ADARB2: variants seen among roughly 807,000 people sequenced by gnomAD.
ADARB2 encodes adenosine deaminase RNA specific B2 (inactive).
ADARB2 carries 25 observed loss-of-function variants against 62.2 expected under a neutral mutation model. That is an observed-to-expected ratio of 0.40 (90% CI 0.29 to 0.56). The LOEUF is 0.56. Among genes scored for constraint, ADARB2 ranks in the 20% least tolerant of loss-of-function variants. The probability of loss-of-function intolerance (pLI) is 0.43; values close to 1 mark genes in which losing one functional copy is unlikely to be tolerated. For missense variants in ADARB2, 1,071 were observed against 1,077.4 expected (o/e 0.99, Z 0.08); for synonymous variants, 572 against 500.8 (o/e 1.14, Z -1.90).
intron 2 of ADARB2, among the ~76,000 whole-genome samples, chr10:1,365,199 A>T (rs1223694811): frequency 1.3e-5 from 2 of 152,088 alleles, no homozygotes; most frequent in Non-Finnish European, 2.9e-5. Context: ...AAAATATTTC[A>T]AACTTTCCCA....
chr10:1,293,550 G>C (rs1831497066), intron 3 of ADARB2, among the ~76,000 whole-genome samples: 1 of 152,196 alleles, frequency 6.6e-6, no homozygotes, highest in Non-Finnish European at 1.5e-5. Flanking sequence ...TCGCTGGAAA[G>C]GCTCAGTCAT....
At chr10:1,460,519 C>T (rs12784863) in intron 1 of ADARB2, among the ~76,000 whole-genome samples, 19,986 of 38,830 alleles carry the variant, frequency 0.51, 7,138 homozygotes, top group Admixed American at 0.61. Flanking sequence ...AGTTTACCTG[C>T]GTAACGAACC....
chr10:1,264,605 T>G (rs1249541405), intron 4 of ADARB2, among the ~76,000 whole-genome samples: 2 of 152,244 alleles, frequency 1.3e-5, no homozygotes, highest in African/African-American at 4.8e-5. Flanking sequence ...TTACCTTATG[T>G]GCTCATTTTA....
chr10:1,634,049 G>A (rs1237091965), intron 1 of ADARB2, among the ~76,000 whole-genome samples: 2 of 152,136 alleles, frequency 1.3e-5, no homozygotes, highest in African/African-American at 4.8e-5. Context: ...TCTGCTGCCG[G>A]CTGTGCTGTG....
intron 1 of ADARB2, among the ~76,000 whole-genome samples, chr10:1,518,844 G>C (rs773917427): frequency 6.6e-6 from 1 of 151,244 alleles, no homozygotes; most frequent in Non-Finnish European, 1.5e-5. Context: ...TCCATGTAAC[G>C]TCTGCCTGTG....
intron 1 of ADARB2, among the ~76,000 whole-genome samples, chr10:1,463,892 CGAA>C (rs1192700898): frequency 6.6e-6 from 1 of 152,128 alleles, no homozygotes; most frequent in Admixed American, 6.5e-5. Context: ...GACACTTTGC[CGAA>C]GAAGACATAT....
chr10:1,629,606 G>A (rs1833818131), intron 1 of ADARB2, among the ~76,000 whole-genome samples: 1 of 145,780 alleles, frequency 6.9e-6, no homozygotes. Context: ...AAGGCCGGGT[G>A]CTTCCGCTCT....
chr10:1,517,728 A>G (rs1053116654), intron 1 of ADARB2, among the ~76,000 whole-genome samples: 2 of 152,154 alleles, frequency 1.3e-5, no homozygotes, highest in African/African-American at 2.4e-5. Context: ...GTCCATTTTC[A>G]TGAAGAATCC....
chr10:1,617,092 TG>T, intron 1 of ADARB2, among the ~76,000 whole-genome samples: 1 of 124,302 alleles, frequency 8.0e-6, no homozygotes, highest in Non-Finnish European at 1.8e-5. Flanking sequence ...TGTCGCTAGA[TG>T]TTTGTGTGCC....
intron 3 of ADARB2, among the ~76,000 whole-genome samples, chr10:1,278,128 C>T (rs1474849097): frequency 6.6e-6 from 1 of 151,960 alleles, no homozygotes; most frequent in Non-Finnish European, 1.5e-5. Flanking sequence ...CGCCACTATG[C>T]CTGGCTAATT....
At chr10:1,453,656 A>T (rs1831063777) in intron 1 of ADARB2, among the ~76,000 whole-genome samples, 2 of 152,214 alleles carry the variant, frequency 1.3e-5, no homozygotes, top group Admixed American at 6.5e-5. Context: ...GAACACACAC[A>T]CAAAACAAAG....
intron 3 of ADARB2, among the ~76,000 whole-genome samples, chr10:1,342,786 G>C (rs1832042772): frequency 6.6e-6 from 1 of 152,214 alleles, no homozygotes; most frequent in African/African-American, 2.4e-5. Flanking sequence ...CTTTTGCTGT[G>C]ATCAGTTCTC....
At chr10:1,464,168 A>C (rs538923144) in intron 1 of ADARB2, among the ~76,000 whole-genome samples, 1 of 148,570 alleles carries the variant, frequency 6.7e-6, no homozygotes, top group African/African-American at 2.5e-5. Context: ...GGGCAGTCAC[A>C]GCGGGCAGTG....
At chr10:1,250,748 T>G (rs1365030908) in intron 4 of ADARB2, among the ~76,000 whole-genome samples, 2 of 152,204 alleles carry the variant, frequency 1.3e-5, no homozygotes, top group Non-Finnish European at 2.9e-5. Context: ...AAGATAGTTA[T>G]TTGTTTTTAA....
At chr10:1,554,904 G>A (rs561895061) in intron 1 of ADARB2, among the ~76,000 whole-genome samples, 47 of 152,210 alleles carry the variant, frequency 3.1e-4, no homozygotes, top group African/African-American at 1.1e-3. Flanking sequence ...CCCTCCCAGG[G>A]TCCATTGCTC....
rs74922149 is a variant in ADARB2, at chr10:1,524,059, A to AAAGAT, written c.101-144900_101-144899insATCTT. ...TTCTAGACAGTATCCTGGGGATATG[A>AAAGAT]AGATAGATAGATAGATAGATAGATA... On this transcript the variant is annotated intron_variant, in intron 1 of 9. Transcript: ENST00000381312. Among the ~76,000 whole-genome samples, 16 of 134,834 alleles carry AAAGAT rather than the reference A, an allele frequency of 1.2e-4. No homozygotes were observed. In the East Asian group the frequency reaches 1.6e-3, roughly 13 times the overall value. 88.5% of individuals were successfully genotyped at this position (134,834 alleles called of 152,430 possible).
chr10:1,722,512 C>T (rs138302626), intron 1 of ADARB2, among the ~76,000 whole-genome samples: 20 of 152,290 alleles, frequency 1.3e-4, no homozygotes, highest in African/African-American at 3.1e-4. Flanking sequence ...TCTACATGCC[C>T]GGTAACCCAA....
At chr10:1,233,151 T>C (rs933001292) in intron 6 of ADARB2, among the ~76,000 whole-genome samples, 1 of 152,112 alleles carries the variant, frequency 6.6e-6, no homozygotes, top group African/African-American at 2.4e-5. Flanking sequence ...CCTTTGCTGA[T>C]GGAGAGGACA....
intron 4 of ADARB2, among the ~76,000 whole-genome samples, chr10:1,244,358 C>A (rs188674108): frequency 1.3e-5 from 2 of 152,248 alleles, no homozygotes; most frequent in Non-Finnish European, 2.9e-5. Flanking sequence ...TGTTCACGAC[C>A]GGTGCGCATG....
Sources: allele counts gnomAD v4.1 joint callset (sites outside exome capture counted in the v4.1 genomes callset), GRCh38; gene constraint gnomAD v4.1.1; transcripts MANE v1.5; gene names NCBI Gene and HGNC (gene_info 2026-07-23, HGNC 2026-07-21).